Variants in MTA3 observed in about 807,000 individuals in gnomAD.
The protein encoded by MTA3 is metastasis associated 1 family member 3.
Under a neutral mutation model 83.5 loss-of-function variants are expected in MTA3, and 34 were observed. That is an observed-to-expected ratio of 0.41 (90% CI 0.31 to 0.54). MTA3 has a LOEUF of 0.54. MTA3 is among the 20% of genes least tolerant of loss of function. The pLI is 0.33. For missense variants in MTA3, 761 were observed against 726.4 expected, an observed-to-expected ratio of 1.05 and a Z score of -0.55; for synonymous variants, 303 against 252.7, an observed-to-expected ratio of 1.20 and a Z score of -1.89.
intron 6 of MTA3, among the ~76,000 whole-genome samples, chr2:42,644,560 G>A (rs1258869168): frequency 1.3e-5 from 2 of 152,060 alleles, no homozygotes; most frequent in Admixed American, 1.3e-4. Flanking sequence ...TCATTTTAAT[G>A]TACTTTGTTT....
At chr2:42,678,485 C>G (rs1328187226) in intron 8 of MTA3, among the ~76,000 whole-genome samples, 2 of 152,034 alleles carry the variant, frequency 1.3e-5, no homozygotes, top group East Asian at 3.9e-4. Context: ...TTACAGGTGA[C>G]TGCCACCACA....
intron 16 of MTA3, among the ~76,000 whole-genome samples, chr2:42,742,145 T>TC (rs1453147896): frequency 2.0e-5 from 3 of 151,122 alleles, no homozygotes; most frequent in African/African-American, 7.3e-5. Context: ...TTTCTTTCTT[T>TC]TTTTTTTTTT....
chr2:42,524,401 C>G (rs1558413094), intron 2 of MTA3, among the ~76,000 whole-genome samples: 1 of 151,220 alleles, frequency 6.6e-6, no homozygotes, highest in East Asian at 1.9e-4. Context: ...CCTGGGTTCA[C>G]GCCATTCTCC....
At chr2:42,627,823 C>T (rs1686265790) in intron 4 of MTA3, among the ~76,000 whole-genome samples, 1 of 151,404 alleles carries the variant, frequency 6.6e-6, no homozygotes, top group South Asian at 2.1e-4. Flanking sequence ...AATGATCTGC[C>T]CACCTGGGCC....
At chr2:42,556,934 C>T (rs1677419657) in intron 2 of MTA3, among the ~76,000 whole-genome samples, 2 of 152,122 alleles carry the variant, frequency 1.3e-5, no homozygotes, top group Non-Finnish European at 2.9e-5. Flanking sequence ...ATTTCAGGAG[C>T]CAGCCAAGAT....
At chr2:42,540,509 A>G (rs1676471427) in intron 2 of MTA3, among the ~76,000 whole-genome samples, 1 of 152,006 alleles carries the variant, frequency 6.6e-6, no homozygotes, top group Non-Finnish European at 1.5e-5. Flanking sequence ...ATCTGTCTAT[A>G]TTTTGAAAAA....
intron 2 of MTA3, among the ~76,000 whole-genome samples, chr2:42,543,273 G>C (rs1029284626): frequency 6.6e-6 from 1 of 151,912 alleles, no homozygotes; most frequent in African/African-American, 2.4e-5. Context: ...TGCCTCCCTG[G>C]TTCAAGCGAT....
chr2:42,706,136 G>C (rs1666059292), intron 12 of MTA3, among the ~76,000 whole-genome samples: 1 of 152,128 alleles, frequency 6.6e-6, no homozygotes, highest in Non-Finnish European at 1.5e-5. Flanking sequence ...GGGGTGGGGG[G>C]AGCAGGGAGG....
chr2:42,696,829 T>C (rs1573658173), intron 10 of MTA3, among the ~76,000 whole-genome samples: 1 of 152,076 alleles, frequency 6.6e-6, no homozygotes, highest in Admixed American at 6.5e-5. Context: ...TGTTGAAAAA[T>C]TTCCAGTGTC....
intron 8 of MTA3, among the ~76,000 whole-genome samples, chr2:42,677,244 G>C (rs1691444930): frequency 6.6e-6 from 1 of 152,164 alleles, no homozygotes; most frequent in Non-Finnish European, 1.5e-5. Flanking sequence ...CGTGTTGTGG[G>C]AGGGACCACC....
intron 9 of MTA3, among the ~76,000 whole-genome samples, chr2:42,685,343 A>G (rs1692274536): frequency 6.6e-6 from 1 of 152,184 alleles, no homozygotes; most frequent in Non-Finnish European, 1.5e-5. Context: ...TGAAACATTA[A>G]GTACTAGGGA....
intron 14 of MTA3, among the ~76,000 whole-genome samples, chr2:42,711,104 AAG>A (rs1171023475): frequency 2.0e-5 from 3 of 151,626 alleles, no homozygotes; most frequent in Admixed American, 2.0e-4. Context: ...AAAAATTAAA[AAG>A]TAAAACATTT....
At chr2:42,660,076 TG>T (rs1238045216) in intron 8 of MTA3, among the ~76,000 whole-genome samples, 1 of 151,482 alleles carries the variant, frequency 6.6e-6, no homozygotes, top group Non-Finnish European at 1.5e-5. Flanking sequence ...AAAGAGGGGC[TG>T]TTTTTTTTTT....
chr2:42,677,289 C>G (rs1183252929), intron 8 of MTA3, among the ~76,000 whole-genome samples: 1 of 152,032 alleles, frequency 6.6e-6, no homozygotes, highest in Non-Finnish European at 1.5e-5. Context: ...GCAGGTCTTT[C>G]CTGTGCTGTT....
chr2:42,500,944 G>T lies in MTA3; in HGVS notation c.-141+5690G>T, dbSNP rs111735644. Among the ~76,000 whole-genome samples the T allele has an allele frequency of 3.2e-3, 482 of 151,738 alleles. 5 individuals are homozygous for T. The highest frequency in any genetic ancestry group is 0.011 in the African/African-American group (451 of 41,382). On this transcript the variant is annotated intron_variant, in intron 2 of 17. Transcript: ENST00000405592. Reference sequence around the variant, plus strand: ...TCCTGCCTCAGCCTCCCGAGTAGCTGGGACTGCAGGTGCCTGCCACTACGC... The same window carrying T: ...TCCTGCCTCAGCCTCCCGAGTAGCTTGGACTGCAGGTGCCTGCCACTACGC...
intron 2 of MTA3, among the ~76,000 whole-genome samples, chr2:42,515,488 T>C (rs1675101982): frequency 1.3e-5 from 2 of 152,012 alleles, no homozygotes; most frequent in Admixed American, 1.3e-4. Flanking sequence ...GCAGCTTCTG[T>C]GTATTTTATT....
At chr2:42,643,958 T>C (rs1430990804) in intron 5 of MTA3, among the ~76,000 whole-genome samples, 169 bp from the exon 6 acceptor site, 1 of 152,234 alleles carries the variant, frequency 6.6e-6, no homozygotes, top group Non-Finnish European at 1.5e-5. Flanking sequence ...CTGTTTTACA[T>C]GATGACGGTA....
intron 4 of MTA3, among the ~76,000 whole-genome samples, chr2:42,614,425 A>G (rs961074260): frequency 3.3e-5 from 5 of 152,202 alleles, no homozygotes; most frequent in Admixed American, 2.0e-4. Flanking sequence ...CAAATATTCA[A>G]TAACTTTTAA....
Position 42,754,532 on chromosome 2 carries a change from T to TGCTACTTGTGCTGGCAGCTGC in MTA3, c.*1134_*1154dup. ...GCCACTCAGCTGTGCTGAGTAGCTG[T>TGCTACTTGTGCTGGCAGCTGC]GCTACTTGTGCTGGCAGCTGCAAGG... On this transcript the variant is annotated 3_prime_UTR_variant, in exon 17 of 17. Transcript: ENST00000405094. The TGCTACTTGTGCTGGCAGCTGC allele has an allele frequency of 1.0e-6, 1 of 985,334 alleles. No homozygotes were observed. Among genetic ancestry groups the TGCTACTTGTGCTGGCAGCTGC allele is most frequent in the South Asian group, 4.7e-5 (1 of 21,288 alleles). 61.0% of individuals were successfully genotyped at this position (985,334 alleles called of 1,614,324 possible).
Sources: allele counts gnomAD v4.1 joint callset (sites outside exome capture counted in the v4.1 genomes callset), GRCh38; gene constraint gnomAD v4.1.1; transcripts MANE v1.5; gene names NCBI Gene and HGNC (gene_info 2026-07-23, HGNC 2026-07-21).